PODXL2: variants seen among roughly 807,000 people sequenced by gnomAD.
PODXL2 encodes podocalyxin like 2.
Under a neutral mutation model 53.4 loss-of-function variants are expected in PODXL2, and 17 were observed. The observed-to-expected ratio is 0.32, with a 90% CI of 0.22 to 0.48. PODXL2 has a LOEUF of 0.48. PODXL2 is among the 20% of genes least tolerant of loss of function. The pLI is 0.99. For missense variants in PODXL2, 673 were observed against 760.0 expected (o/e 0.89, Z 1.35); for synonymous variants, 311 against 306.7 (o/e 1.01, Z -0.15).
chr3:127,653,582 G>A (rs186589180), intron 2 of PODXL2, among the ~76,000 whole-genome samples: 165 of 151,862 alleles, frequency 1.1e-3, no homozygotes, highest in Middle Eastern at 3.4e-3. Flanking sequence ...GGAGGCGGAG[G>A]TTTCAGTCAG....
At position 127,660,693 on chromosome 3, in the gene PODXL2, A is replaced by G; in HGVS notation, c.665A>G (p.His222Arg). Residue 222 changes from histidine to arginine, a missense_variant, in exon 3 of 8, where the codon CAT (histidine) becomes CGT (arginine). By Grantham distance (29) the His-to-Arg change is conservative (BLOSUM62 0). Around this residue, in one of 3 missense-constraint regions of PODXL2, gnomAD observed 588 missense variants for 668.3 expected, o/e 0.88. Coordinates refer to ENST00000342480, the MANE Select transcript of PODXL2 (RefSeq NM_015720.4). ...SQTPGATKSR[H>R]EDSGDQASSG... is the part of the protein sequence containing the mutation. ...ACCCCAGGGGCCACCAAAAGCAGGC[A>G]TGAAGACTCCGGGGACCAGGCCTCA... 6.2e-7 allele frequency: 1 copy of G among 1,614,198 alleles called. No homozygotes were observed. The highest frequency in any genetic ancestry group is 1.1e-5 in the South Asian group (1 of 91,078).
Position 127,646,495 on chromosome 3 carries a change from C to G in PODXL2, c.349+6972C>G, listed in dbSNP as rs147202668. 3.0e-3 allele frequency among the ~76,000 whole-genome samples: 450 copies of G among 151,966 alleles called. 3 individuals are homozygous for G. Among genetic ancestry groups the G allele is most frequent in the African/African-American group, 1.0e-2 (414 of 41,440 alleles). ...CTCCGCCTCCCAGGTTCAAGTGATT[C>G]TCCTGCCTCAGCCTCCCAAGTAGCT... On this transcript the variant is annotated intron_variant, in intron 2 of 7. Transcript: ENST00000342480.
intron 2 of PODXL2, among the ~76,000 whole-genome samples, chr3:127,645,800 G>A (rs534212838): frequency 5.3e-5 from 8 of 152,332 alleles, no homozygotes; most frequent in African/African-American, 1.2e-4. Context: ...GGACAGTGGC[G>A]TGCCCTACCC....
chr3:127,657,227 C>T (rs867539067), intron 2 of PODXL2, among the ~76,000 whole-genome samples: 1 of 152,194 alleles, frequency 6.6e-6, no homozygotes, highest in Non-Finnish European at 1.5e-5. Context: ...CTCTCTCTGA[C>T]TTTTGGAAAG....
chr3:127,652,790 T>G (rs1023550418), intron 2 of PODXL2, among the ~76,000 whole-genome samples: 3 of 151,944 alleles, frequency 2.0e-5, no homozygotes, highest in African/African-American at 7.3e-5. Flanking sequence ...GAGGGACCCT[T>G]CTCCTGAGCC....
intron 4 of PODXL2, among the ~76,000 whole-genome samples, chr3:127,668,137 TGTG>T (rs1318223175): frequency 2.1e-5 from 3 of 143,254 alleles, no homozygotes; most frequent in Non-Finnish European, 4.7e-5. Context: ...TGTGTGTGTG[TGTG>T]TGTCCCCAGC....
chr3:127,637,565 A>G (rs2074584822), intron 1 of PODXL2, among the ~76,000 whole-genome samples: 1 of 152,138 alleles, frequency 6.6e-6, no homozygotes, highest in African/African-American at 2.4e-5. Flanking sequence ...TACACAGAGG[A>G]GGAGAGCAAG....
chr3:127,632,207 G>A (rs1479065617), intron 1 of PODXL2, among the ~76,000 whole-genome samples: 2 of 152,222 alleles, frequency 1.3e-5, no homozygotes, highest in African/African-American at 4.8e-5. Flanking sequence ...AGAGGGCAGA[G>A]CAGTCTTCTT....
intron 2 of PODXL2, among the ~76,000 whole-genome samples, chr3:127,650,024 T>C (rs906612522): frequency 1.3e-5 from 2 of 152,248 alleles, no homozygotes; most frequent in African/African-American, 4.8e-5. Flanking sequence ...TGAGTGTTTT[T>C]ATATTAACAC....
At chr3:127,666,706 GA>G (rs1322050043) in intron 4 of PODXL2, among the ~76,000 whole-genome samples, 3 of 152,212 alleles carry the variant, frequency 2.0e-5, no homozygotes, top group African/African-American at 4.8e-5. Flanking sequence ...CACCTGGCCA[GA>G]ACCCAGATTT....
At chr3:127,642,032 C>T (rs2074624243) in intron 2 of PODXL2, among the ~76,000 whole-genome samples, 1 of 151,932 alleles carries the variant, frequency 6.6e-6, no homozygotes, top group Non-Finnish European at 1.5e-5. Context: ...TGGCTCACGC[C>T]TGTGATTCCG....
Position 127,653,369 on chromosome 3 carries a change from G to A in PODXL2, c.350-7009G>A, listed in dbSNP as rs769503796. On this transcript the variant is annotated intron_variant, in intron 2 of 7. Transcript: ENST00000342480. ...GTAGTGAAAGTCAGTGTCTCAGGCC[G>A]GGTGCAGGGGCTCTCTCCTGTAAGC... is the stretch of plus-strand genomic sequence containing the variant. Among the ~76,000 whole-genome samples the A allele has an allele frequency of 1.8e-4, 28 of 152,194 alleles. 1 individual carries two copies. Among genetic ancestry groups the A allele is most frequent in the Admixed American group, 1.3e-4 (2 of 15,282 alleles).
At position 127,629,320 on chromosome 3, in the gene PODXL2, G is replaced by T; in HGVS notation, c.70+31G>T. The T allele has an allele frequency of 2.0e-6, 2 of 1,014,262 alleles. No individual in the cohort carries two copies. Among genetic ancestry groups the T allele is most frequent in the Non-Finnish European group, 2.4e-6 (2 of 849,142 alleles). 62.8% of individuals were successfully genotyped at this position (1,014,262 alleles called of 1,614,324 possible). The stretch of plus-strand genomic sequence containing the variant: ...TGCGCTCCGGGCCCGAGCGCGGGAG[G>T]GCGGGCGGCGGCGTGGGCGCGGTGC... On this transcript the variant is annotated intron_variant, in intron 1 of 7. Coordinates refer to ENST00000342480, the MANE Select transcript of PODXL2 (RefSeq NM_015720.4). This position sits in a 1 kb window ranked among gnomAD's most constrained non-coding sequence, Gnocchi z 6.4.
In PODXL2 at chr3:127,639,457, C is replaced by T. The variant is rs747660234; in HGVS notation, c.283C>T (p.Pro95Ser). The change falls in exon 2 of 8, where the codon CCA becomes TCA. Residue 95 changes from proline to serine, a missense_variant. Coordinates refer to ENST00000342480, the MANE Select transcript of PODXL2 (RefSeq NM_015720.4). ...TGAAGAGTCTCGGATTCTGCAGCCA[C>T]CACAGTACTTCTGGGAAGAGGAGGA... is the stretch of plus-strand genomic sequence containing the variant. The part of the protein sequence containing the change: ...ENEESRILQP[P>S]QYFWEEEEEL... The T allele has an allele frequency of 6.2e-6, 10 of 1,614,248 alleles. No homozygotes were observed. In the Admixed American group the frequency reaches 1.7e-4, roughly 27 times the overall value.
At chr3:127,633,923 CA>C in intron 1 of PODXL2, among the ~76,000 whole-genome samples, 1 of 151,300 alleles carries the variant, frequency 6.6e-6, no homozygotes, top group Non-Finnish European at 1.5e-5. Context: ...GATGTTCAAG[CA>C]GAAGAGCATA....
At chr3:127,658,355 C>T (rs994155914) in intron 2 of PODXL2, among the ~76,000 whole-genome samples, 2 of 150,566 alleles carry the variant, frequency 1.3e-5, no homozygotes, top group Non-Finnish European at 3.0e-5. Flanking sequence ...CAGTTTCCAT[C>T]CTGAGATATA....
At chr3:127,656,077 TA>T (rs2074721651) in intron 2 of PODXL2, among the ~76,000 whole-genome samples, 1 of 152,230 alleles carries the variant, frequency 6.6e-6, no homozygotes, top group South Asian at 2.1e-4. Flanking sequence ...GGCACTATGT[TA>T]GGTGCTGGGA....
chr3:127,664,610 A>G (rs929009018), intron 4 of PODXL2, among the ~76,000 whole-genome samples: 5 of 151,990 alleles, frequency 3.3e-5, no homozygotes, highest in African/African-American at 1.2e-4. Context: ...ACCATTTTAC[A>G]TTTTCGCCAG....
intron 4 of PODXL2, chr3:127,665,991 CT>C: frequency 2.2e-6 from 1 of 453,744 alleles, no homozygotes; most frequent in African/African-American, 2.0e-5. Flanking sequence ...CTTCTAGGCC[CT>C]TCTAGAAGAA....
Sources: allele counts gnomAD v4.1 joint callset (sites outside exome capture counted in the v4.1 genomes callset), GRCh38; gene constraint gnomAD v4.1.1; regional missense constraint gnomAD v4.1.1; non-coding constraint Gnocchi (gnomAD v3.1); transcripts MANE v1.5; gene names NCBI Gene and HGNC (gene_info 2026-07-23, HGNC 2026-07-21).